Variants in LINGO2 observed in about 807,000 individuals in gnomAD.
LINGO2 encodes the protein leucine rich repeat and Ig domain containing 2.
Under a neutral mutation model 30.6 loss-of-function variants are expected in LINGO2, and 14 were observed. The observed-to-expected ratio is 0.46, with a 90% CI of 0.30 to 0.72. The LOEUF is 0.72. LINGO2 is among the 30% of genes least tolerant of loss of function. The pLI is 0.07. For synonymous variants in LINGO2, 317 were observed against 288.5 expected (o/e 1.10, Z -1.00); for missense variants, 729 against 751.7 (o/e 0.97, Z 0.35).
rs1269886658 is a variant in LINGO2 at position 28,026,875 on chromosome 9, T to TA, written c.-86-14471dup. ...ATTATGACTAAACTTTGCCCTTGTC[T>TA]AAAAATGTTGAAGATCTCAGTATTC... is the stretch of plus-strand genomic sequence containing the variant. On this transcript the variant is annotated intron_variant, in intron 4 of 5. Transcript: ENST00000379992. Among the ~76,000 whole-genome samples, 19 of 152,342 alleles carry TA rather than the reference T, an allele frequency of 1.2e-4. No homozygotes were observed. In the South Asian group the frequency reaches 3.3e-3, roughly 27 times the overall value.
Position 28,348,494 on chromosome 9 carries a change from T to C in LINGO2, c.-246+24342A>G, listed in dbSNP as rs1393245155. Among the ~76,000 whole-genome samples, 12 of 150,688 alleles carry C rather than the reference T, an allele frequency of 8.0e-5. No homozygotes were observed. The East Asian group carries it at 1.8e-3, about 22-fold the overall frequency. ...TATATCCTGCACCTGGCTCGGAGGG[T>C]CCAATGCCCACAGAGTCTCGCTGAT... On this transcript the variant is annotated intron_variant, in intron 3 of 5. Transcript: ENST00000379992.
In LINGO2 at chr9:28,026,668, TCTTA is replaced by T. The variant is rs551020750; in HGVS notation, c.-86-14267_-86-14264del. ...TTATATTTTCAAGTCAGTCAATACATCTTACTGTTTCTTATTTTTTTGAGGTATC... is the reference window on the plus strand; with the variant it reads ...TTATATTTTCAAGTCAGTCAATACATCTGTTTCTTATTTTTTTGAGGTATC... On this transcript the variant is annotated intron_variant, in intron 4 of 5. Transcript: ENST00000379992. 6.4e-3 allele frequency among the ~76,000 whole-genome samples: 968 copies of T among 152,290 alleles called. 5 individuals carry two copies. Among genetic ancestry groups the T allele is most frequent in the Non-Finnish European group, 0.01 (693 of 68,014 alleles).
chr9:28,511,451 T>C (rs889625556), intron 1 of LINGO2, among the ~76,000 whole-genome samples: 4 of 152,150 alleles, frequency 2.6e-5, no homozygotes, highest in African/African-American at 7.2e-5. Context: ...TGAACCCATG[T>C]ATAACCTCCA....
intron 3 of LINGO2, among the ~76,000 whole-genome samples, chr9:28,344,574 G>A (rs1392796779): frequency 6.6e-6 from 1 of 151,900 alleles, no homozygotes; most frequent in African/African-American, 2.4e-5. Context: ...TGAATTGTGG[G>A]ATTAGATTAT....
At chr9:27,973,888 AT>A (rs1466583866) in intron 5 of LINGO2, among the ~76,000 whole-genome samples, 2 of 152,304 alleles carry the variant, frequency 1.3e-5, no homozygotes, top group Non-Finnish European at 2.9e-5. Flanking sequence ...GACCAATGAC[AT>A]TTACATATAA....
At chr9:28,898,710 T>A in the LINGO2 span, among the ~76,000 whole-genome samples, 1 of 151,972 alleles carries the variant, frequency 6.6e-6, no homozygotes, top group Non-Finnish European at 1.5e-5. Flanking sequence ...CACTACAATA[T>A]TGCAAAATTA....
chr9:28,278,488 C>T (rs1322101916), intron 4 of LINGO2, among the ~76,000 whole-genome samples: 2 of 152,066 alleles, frequency 1.3e-5, no homozygotes, highest in Non-Finnish European at 2.9e-5. Flanking sequence ...AAGTTGAAGC[C>T]AATGCTCCTT....
chr9:28,204,166 G>A (rs1820332594), intron 4 of LINGO2, among the ~76,000 whole-genome samples: 1 of 152,060 alleles, frequency 6.6e-6, no homozygotes, highest in Non-Finnish European at 1.5e-5. Context: ...AGTTTTCCTA[G>A]ACATCATGTA....
At chr9:28,521,144 C>T (rs755156401) in intron 1 of LINGO2, among the ~76,000 whole-genome samples, 5 of 152,052 alleles carry the variant, frequency 3.3e-5, no homozygotes, top group African/African-American at 4.8e-5. Context: ...AATATCATTC[C>T]GTTGTAGGTT....
chr9:29,133,974 T>G, the LINGO2 span, among the ~76,000 whole-genome samples: 1 of 152,134 alleles, frequency 6.6e-6, no homozygotes, highest in African/African-American at 2.4e-5. Context: ...AAGGGGAAGA[T>G]TTGTTGCCAT....
rs936340117 is a variant in LINGO2 at position 28,350,814 on chromosome 9, G to A, written c.-246+22022C>T. Among the ~76,000 whole-genome samples the A allele has an allele frequency of 1.3e-4, 20 of 151,346 alleles. No individual in the cohort carries two copies. In the East Asian group the frequency reaches 3.7e-3, roughly 28 times the overall value. On this transcript the variant is annotated intron_variant, in intron 3 of 5. Transcript: ENST00000379992. ...AACAAACTATCTCTCAGACCACAGT[G>A]CAATCAAACTAGAACTCAGGATTAA...
At chr9:29,037,671 G>C in the LINGO2 span, among the ~76,000 whole-genome samples, 1 of 151,818 alleles carries the variant, frequency 6.6e-6, no homozygotes, top group African/African-American at 2.4e-5. Context: ...TGTTTCATAG[G>C]TTGAGTATTG....
chr9:28,325,961 T>G (rs2134321565), intron 3 of LINGO2, among the ~76,000 whole-genome samples: 1 of 152,306 alleles, frequency 6.6e-6, no homozygotes, highest in Non-Finnish European at 1.5e-5. Context: ...CTTGCCTGTT[T>G]AAGTCTGTCC....
chr9:28,395,048 G>GA (rs1357411490), intron 2 of LINGO2, among the ~76,000 whole-genome samples: 2 of 152,140 alleles, frequency 1.3e-5, no homozygotes, highest in Non-Finnish European at 2.9e-5. Context: ...TGGCACTTGA[G>GA]AAAAAAACTT....
chr9:28,065,972 C>G (rs1010884100), intron 4 of LINGO2, among the ~76,000 whole-genome samples: 3 of 152,058 alleles, frequency 2.0e-5, no homozygotes, highest in African/African-American at 7.2e-5. Context: ...TGTTCTCTCT[C>G]TGTAGCTTGA....
the LINGO2 span, among the ~76,000 whole-genome samples, chr9:28,942,529 C>T: frequency 6.6e-6 from 1 of 152,174 alleles, no homozygotes; most frequent in Non-Finnish European, 1.5e-5. Flanking sequence ...CACTAACTAG[C>T]TGTGACATTT....
chr9:29,150,837 G>A, the LINGO2 span, among the ~76,000 whole-genome samples: 280 of 152,206 alleles, frequency 1.8e-3, 1 homozygote, highest in Non-Finnish European at 3.3e-3. Flanking sequence ...ATGTAAGAAT[G>A]TAGTACACAA....
At chr9:28,378,957 A>C (rs1428706236) in intron 2 of LINGO2, among the ~76,000 whole-genome samples, 1 of 152,132 alleles carries the variant, frequency 6.6e-6, no homozygotes, top group Non-Finnish European at 1.5e-5. Flanking sequence ...TACATTTAAC[A>C]TCACAAAGTA....
the LINGO2 span, among the ~76,000 whole-genome samples, chr9:29,166,743 A>G: frequency 2.0e-5 from 3 of 152,058 alleles, no homozygotes; most frequent in Non-Finnish European, 4.4e-5. Flanking sequence ...ATTCTCTCCA[A>G]TTTGTTGAAC....
Sources: gnomAD v4.1 joint callset for allele counts (sites outside exome capture counted in the v4.1 genomes callset) on GRCh38, gnomAD v4.1.1 for gene constraint, MANE v1.5 for transcripts, NCBI Gene and HGNC (gene_info 2026-07-23, HGNC 2026-07-21) for gene names.